Variants in METTL24 observed in about 807,000 individuals in gnomAD.
METTL24 encodes probable methyltransferase-like protein 24.
In METTL24, 29 loss-of-function variants were observed where a neutral mutation model predicts 32.7. The observed-to-expected ratio is 0.89, with a 90% CI of 0.66 to 1.21. The LOEUF (loss-of-function observed/expected upper bound fraction) is 1.21, where lower values mean the gene tolerates loss of function less well. Ranked by LOEUF, METTL24 falls within the 50% of genes most tolerant of loss-of-function variation. The pLI, the probability that METTL24 is intolerant of heterozygous loss-of-function variation, is 0.00. For synonymous variants in METTL24, 163 were observed against 179.5 expected (o/e 0.91, Z 0.73); for missense variants, 439 against 468.1 (o/e 0.94, Z 0.57).
Position 110,292,901 on chromosome 6 carries a change from A to G in METTL24, c.786+6021T>C, listed in dbSNP as rs114077192. On this transcript the variant is annotated intron_variant, in intron 4 of 4. Transcript: ENST00000338882. ...GAGATAGTGCCTTTATCATATATCA[A>G]CTCTGGAGGTATGTGGATTTATTTC... Among the ~76,000 whole-genome samples, 406 of 152,002 alleles carry G rather than the reference A, an allele frequency of 2.7e-3. 1 individual carries two copies. Among genetic ancestry groups the G allele is most frequent in the African/African-American group, 9.3e-3 (385 of 41,518 alleles).
At chr6:110,338,139 T>C in intron 1 of METTL24, among the ~76,000 whole-genome samples, 1 of 152,210 alleles carries the variant, frequency 6.6e-6, no homozygotes, top group East Asian at 1.9e-4. Context: ...CTGGACTTTA[T>C]AGTAATACCT....
chr6:110,331,297 T>G (rs955400589), intron 1 of METTL24, among the ~76,000 whole-genome samples: 1 of 151,770 alleles, frequency 6.6e-6, no homozygotes, highest in African/African-American at 2.4e-5. Context: ...CCAAGTGGTC[T>G]AGCATTCATG....
intron 4 of METTL24, among the ~76,000 whole-genome samples, chr6:110,270,397 A>G (rs945643199): frequency 3.3e-5 from 5 of 151,982 alleles, no homozygotes; most frequent in African/African-American, 7.3e-5. Flanking sequence ...ATTTTTTTCA[A>G]TGGAAACAAA....
chr6:110,250,284 G>A lies in METTL24; in HGVS notation c.787-4024C>T, dbSNP rs374557282. Reference sequence around the variant, plus strand: ...TCCTGTGCTGCTTGCCTGGCTTCCCGTGGCTTGCTAGCAATCTTCAACATT... The same window carrying A: ...TCCTGTGCTGCTTGCCTGGCTTCCCATGGCTTGCTAGCAATCTTCAACATT... On this transcript the variant is annotated intron_variant, in intron 4 of 4. Transcript: ENST00000338882. Among the ~76,000 whole-genome samples the A allele has an allele frequency of 1.1e-4, 16 of 151,908 alleles. No individual in the cohort carries two copies. The East Asian group carries it at 2.1e-3, about 20-fold the overall frequency.
intron 3 of METTL24, among the ~76,000 whole-genome samples, chr6:110,309,718 C>T (rs772470364): frequency 3.3e-4 from 50 of 152,104 alleles, no homozygotes; most frequent in Non-Finnish European, 1.3e-4. Context: ...GAAAGACCTG[C>T]GCCCATGATT....
intron 1 of METTL24, among the ~76,000 whole-genome samples, chr6:110,328,312 G>A (rs1332034516): frequency 6.6e-6 from 1 of 152,198 alleles, no homozygotes. Context: ...CAGACAATGT[G>A]CATTGAAAAG....
intron 3 of METTL24, among the ~76,000 whole-genome samples, chr6:110,303,915 G>C (rs1771583656): frequency 6.6e-6 from 1 of 152,204 alleles, no homozygotes; most frequent in Non-Finnish European, 1.5e-5. Flanking sequence ...ATACAGGAGA[G>C]CTCCAGCTGG....
At chr6:110,348,653 T>C (rs1195461583) in intron 1 of METTL24, among the ~76,000 whole-genome samples, 1 of 152,242 alleles carries the variant, frequency 6.6e-6, no homozygotes, top group African/African-American at 2.4e-5. Context: ...TGGGGACGGA[T>C]TCTGAAAACA....
intron 4 of METTL24, among the ~76,000 whole-genome samples, chr6:110,256,668 G>A (rs1015935681): frequency 1.3e-5 from 2 of 152,158 alleles, no homozygotes; most frequent in Admixed American, 1.3e-4. Flanking sequence ...AGACCTCACT[G>A]ATGGAAAGAG....
chr6:110,259,536 G>A (rs1778450437), intron 4 of METTL24, among the ~76,000 whole-genome samples: 1 of 152,230 alleles, frequency 6.6e-6, no homozygotes, highest in Admixed American at 6.5e-5. Flanking sequence ...CTCCACCTCT[G>A]GGGGCAGGGC....
intron 4 of METTL24, among the ~76,000 whole-genome samples, chr6:110,254,953 T>C (rs1584105445): frequency 1.3e-5 from 2 of 152,204 alleles, no homozygotes; most frequent in African/African-American, 4.8e-5. Context: ...CTATTGTGAA[T>C]GTGAACAAGA....
At chr6:110,309,720 C>T (rs1205418585) in intron 3 of METTL24, among the ~76,000 whole-genome samples, 1 of 152,110 alleles carries the variant, frequency 6.6e-6, no homozygotes, top group African/African-American at 2.4e-5. Flanking sequence ...AAGACCTGCG[C>T]CCATGATTCA....
chr6:110,344,694 T>C (rs939892496), intron 1 of METTL24, among the ~76,000 whole-genome samples: 15 of 152,200 alleles, frequency 9.9e-5, no homozygotes, highest in African/African-American at 3.6e-4. Flanking sequence ...GGATTCTCTA[T>C]TCAATAAATG....
intron 4 of METTL24, among the ~76,000 whole-genome samples, chr6:110,285,422 G>A (rs983852675): frequency 3.9e-5 from 6 of 152,104 alleles, no homozygotes; most frequent in Non-Finnish European, 7.4e-5. Flanking sequence ...ATGAAACTAT[G>A]ATCGCCTTTT....
At chr6:110,319,087 C>T (rs1771881215) in intron 2 of METTL24, among the ~76,000 whole-genome samples, 1 of 152,166 alleles carries the variant, frequency 6.6e-6, no homozygotes, top group Non-Finnish European at 1.5e-5. Flanking sequence ...AATGGTATTT[C>T]TGCCAACCCA....
chr6:110,322,263 G>A (rs1473896763), intron 2 of METTL24, among the ~76,000 whole-genome samples: 1 of 152,156 alleles, frequency 6.6e-6, no homozygotes, highest in Non-Finnish European at 1.5e-5. Flanking sequence ...CAAGTGCTCT[G>A]AGATAGAGAG....
intron 4 of METTL24, among the ~76,000 whole-genome samples, chr6:110,289,788 GTTC>G (rs1000436255): frequency 1.3e-5 from 2 of 152,190 alleles, no homozygotes; most frequent in African/African-American, 4.8e-5. Flanking sequence ...CAGCCATCTA[GTTC>G]TTCTCCCTGG....
chr6:110,293,232 T>A (rs1771352314), intron 4 of METTL24, among the ~76,000 whole-genome samples: 1 of 152,102 alleles, frequency 6.6e-6, no homozygotes, highest in Non-Finnish European at 1.5e-5. Context: ...GCATGTACTA[T>A]GCCTTTGAAT....
chr6:110,319,345 C>A (rs1436693353), intron 2 of METTL24, among the ~76,000 whole-genome samples: 1 of 151,318 alleles, frequency 6.6e-6, no homozygotes, highest in Non-Finnish European at 1.5e-5. Context: ...TTCTGAATAT[C>A]CAGAGCATGG....
Sources: gnomAD v4.1 joint callset for allele counts (sites outside exome capture counted in the v4.1 genomes callset) on GRCh38, gnomAD v4.1.1 for gene constraint, MANE v1.5 for transcripts, NCBI Gene and HGNC (gene_info 2026-07-23, HGNC 2026-07-21) for gene names.